The following SP140 variants were observed in gnomAD, a reference collection of about 807,000 sequenced individuals.
The protein encoded by SP140 is nuclear body protein SP140.
SP140 carries 81 observed loss-of-function variants against 125.0 expected under a neutral mutation model. That is an observed-to-expected ratio of 0.65 (90% confidence interval 0.54 to 0.78). The LOEUF (loss-of-function observed/expected upper bound fraction) is 0.78. Among genes scored for constraint, SP140 ranks in the 30% least tolerant of loss-of-function variants. The pLI, the probability that SP140 is intolerant of heterozygous loss-of-function variation, is 0.00. For synonymous variants in SP140, 312 were observed against 354.0 expected (o/e 0.88, Z 1.33); for missense variants, 858 against 1,037.0 (o/e 0.83, Z 2.37).
intron 17 of SP140, among the ~76,000 whole-genome samples, chr2:230,286,633 A>G (rs959776670): frequency 6.6e-6 from 1 of 152,198 alleles, no homozygotes; most frequent in Non-Finnish European, 1.5e-5. Flanking sequence ...ACTTATTTTG[A>G]AAGAAATAGA....
intron 1 of SP140, among the ~76,000 whole-genome samples, chr2:230,234,455 C>T (rs6709625): frequency 0.37 from 56,653 of 152,088 alleles, 11,155 homozygotes; most frequent in African/African-American, 0.5. Context: ...TTCTTTGAGT[C>T]CTTGTCTATC....
At chr2:230,210,063 C>A in intron 1 of SP140, 1 of 1,076,100 alleles carries the variant, frequency 9.3e-7, no homozygotes. Context: ...AGAGAAAGTG[C>A]TGAGGGAAGT....
At position 230,216,690 on chromosome 2, in the gene SP140, T is replaced by C. The variant is rs7580912; in HGVS notation, c.-91+2616T>C. ...TGCCTGGGCTGGGCCTTCCAAACTC[T>C]GGAAGCCCTGGTGGTTTGTGGTTTG... is the stretch of plus-strand genomic sequence containing the variant. On this transcript the variant is annotated intron_variant, in intron 3 of 4. Transcript: ENST00000456542. 0.34 allele frequency: 521,832 copies of C among 1,521,544 alleles called. 91,428 individuals are homozygous for C. Among genetic ancestry groups the C allele is most frequent in the South Asian group, 0.39 (34,507 of 88,682 alleles). 94.3% of individuals were successfully genotyped at this position (1,521,544 alleles called of 1,614,324 possible).
chr2:230,305,326 C>A (rs2058655233), intron 22 of SP140, among the ~76,000 whole-genome samples: 1 of 152,212 alleles, frequency 6.6e-6, no homozygotes, highest in African/African-American at 2.4e-5. Flanking sequence ...CTAGTACAGC[C>A]ACTACAGAAA....
At chr2:230,193,406 C>T in the SP140 span, among the ~76,000 whole-genome samples, 2 of 152,118 alleles carry the variant, frequency 1.3e-5, no homozygotes, top group African/African-American at 2.4e-5. Context: ...TTAATTGTTA[C>T]CTACATACGT....
At chr2:230,249,201 GA>G (rs2049977286) in intron 9 of SP140, among the ~76,000 whole-genome samples, 2 of 152,162 alleles carry the variant, frequency 1.3e-5, no homozygotes, top group African/African-American at 4.8e-5. Context: ...GGAATGTAGG[GA>G]GAACGAATAT....
chr2:230,275,834 C>T (rs1431728999), intron 15 of SP140, among the ~76,000 whole-genome samples: 1 of 152,118 alleles, frequency 6.6e-6, no homozygotes, highest in East Asian at 1.9e-4. Flanking sequence ...GAAAGTAGAA[C>T]AGTCTTATCG....
chr2:230,246,961 T>G (rs1409979475), intron 7 of SP140, among the ~76,000 whole-genome samples: 1 of 151,956 alleles, frequency 6.6e-6, no homozygotes, highest in African/African-American at 2.4e-5. Context: ...ATATGGGACA[T>G]TGTAGGGATG....
chr2:230,207,938 G>T, intron 1 of SP140: 1 of 856,878 alleles, frequency 1.2e-6, no homozygotes, highest in Non-Finnish European at 2.0e-6. Flanking sequence ...TGACCTACAA[G>T]CCCTGCATGA....
intron 1 of SP140, chr2:230,230,468 T>G (rs2047084144): frequency 6.6e-6 from 1 of 152,244 alleles, no homozygotes; most frequent in South Asian, 2.1e-4. Context: ...ACCATAATTC[T>G]AATCTTGTAT....
chr2:230,218,037 T>C (rs976337922), intron 3 of SP140, among the ~76,000 whole-genome samples: 7 of 152,220 alleles, frequency 4.6e-5, no homozygotes, highest in Non-Finnish European at 7.3e-5. Context: ...CCATGCAGCA[T>C]GTATTAAAGA....
intron 24 of SP140, 84 bp from the exon 25 acceptor site, chr2:230,311,070 G>C (rs1246123056): frequency 1.2e-6 from 2 of 1,603,016 alleles, no homozygotes; most frequent in Non-Finnish European, 1.7e-6. Flanking sequence ...TGAGGAAGAA[G>C]GGTGTGAGTT....
At chr2:230,247,812 GA>G (rs928730606) in intron 7 of SP140, 103 bp from the exon 8 acceptor site, 5 of 1,237,038 alleles carry the variant, frequency 4.0e-6, no homozygotes, top group Middle Eastern at 2.1e-4. Context: ...CCCTGTGCTT[GA>G]AAAAGTCACC....
chr2:230,212,179 G>A (rs2044560409), intron 1 of SP140, among the ~76,000 whole-genome samples: 1 of 152,190 alleles, frequency 6.6e-6, no homozygotes, highest in Non-Finnish European at 1.5e-5. Context: ...TTGGTTGTTG[G>A]TTTGTTTTGC....
At chr2:230,251,806 C>T (rs780984959) in intron 10 of SP140, among the ~76,000 whole-genome samples, 1 of 152,108 alleles carries the variant, frequency 6.6e-6, no homozygotes, top group African/African-American at 2.4e-5. Flanking sequence ...CATTTTTACC[C>T]TCAGAAACCT....
At chr2:230,288,290 ACTACTCAGAAAGC>A (rs1441163817) in intron 18 of SP140, among the ~76,000 whole-genome samples, 1 of 152,204 alleles carries the variant, frequency 6.6e-6, no homozygotes, top group Non-Finnish European at 1.5e-5. Context: ...CCTTCCTCTG[ACTACTCAGAAAGC>A]CACAGGTTGC....
chr2:230,315,960 G>T (rs1020519807), downstream of SP140, among the ~76,000 whole-genome samples: 2 of 152,138 alleles, frequency 1.3e-5, no homozygotes, highest in Non-Finnish European at 2.9e-5. Flanking sequence ...CTATTAATAT[G>T]GAAATGCCAC....
At chr2:230,282,369 G>A (rs1159283510) in intron 15 of SP140, among the ~76,000 whole-genome samples, 1 of 152,146 alleles carries the variant, frequency 6.6e-6, no homozygotes, top group Non-Finnish European at 1.5e-5. Context: ...AAATGCCATG[G>A]AGAATGGCCT....
At chr2:230,281,608 T>C (rs1405720504) in intron 15 of SP140, among the ~76,000 whole-genome samples, 4 of 152,210 alleles carry the variant, frequency 2.6e-5, no homozygotes, top group Non-Finnish European at 5.9e-5. Flanking sequence ...ACTCTTCTTT[T>C]TAACTATGAT....
Sources: gnomAD v4.1 joint callset for allele counts (sites outside exome capture counted in the v4.1 genomes callset) on GRCh38, gnomAD v4.1.1 for gene constraint, MANE v1.5 for transcripts, NCBI Gene and HGNC (gene_info 2026-07-23, HGNC 2026-07-21) for gene names.